The following CNTN6 variants were observed in gnomAD, a reference collection of about 807,000 sequenced individuals.
CNTN6 encodes contactin 6.
CNTN6 carries 137 observed loss-of-function variants against 122.8 expected under a neutral mutation model. That is an observed-to-expected ratio of 1.12 (90% confidence interval 0.97 to 1.29). The LOEUF (loss-of-function observed/expected upper bound fraction) is 1.29, where lower values mean the gene tolerates loss of function less well. CNTN6 is among the 50% of genes most tolerant of loss of function. CNTN6 has a pLI of 0.00. For missense variants in CNTN6, 1,634 were observed against 1,223.4 expected (o/e 1.34, Z -5.01); for synonymous variants, 570 against 426.0 (o/e 1.34, Z -4.16).
intron 20 of CNTN6, among the ~76,000 whole-genome samples, chr3:1,393,224 G>T (rs1694450111): frequency 2.1e-5 from 2 of 97,060 alleles, no homozygotes. Context: ...ATACTATGCA[G>T]CCATAAAAAA....
rs1307240495 is a variant in CNTN6, at chr3:1,401,461, C to G, written c.2733C>G (p.Ala911=). The G allele has an allele frequency of 1.2e-6, 2 of 1,611,980 alleles. No homozygotes were observed. Among genetic ancestry groups the G allele is most frequent in the Admixed American group, 3.3e-5 (2 of 59,786 alleles). ...SPPSQPPANI[A]WKLTNSKLCL... The stretch of plus-strand genomic sequence containing the variant: ...CAAGCCAACCACCAGCAAACATTGC[C>G]TGGAAGCTGACAAACTCTAAATTAT... The change falls in exon 21 of 23, where the codon GCC becomes GCG. Residue 911 remains alanine (A), a synonymous_variant. Transcript: ENST00000446702.
chr3:1,102,165 C>T (rs953355201), intron 1 of CNTN6, among the ~76,000 whole-genome samples: 8 of 152,130 alleles, frequency 5.3e-5, no homozygotes, highest in African/African-American at 1.9e-4. Flanking sequence ...TTTTCAATGC[C>T]TTTTTTGCAT....
chr3:1,187,058 C>T (rs967205798), intron 2 of CNTN6, among the ~76,000 whole-genome samples: 7 of 152,082 alleles, frequency 4.6e-5, no homozygotes, highest in African/African-American at 1.4e-4. Flanking sequence ...TGGCCCAACA[C>T]GAGGATTTTT....
At chr3:1,286,562 G>A (rs1694377125) in intron 5 of CNTN6, among the ~76,000 whole-genome samples, 1 of 152,118 alleles carries the variant, frequency 6.6e-6, no homozygotes, top group Admixed American at 6.5e-5. Flanking sequence ...ATTCCATGGT[G>A]TATATGTGCC....
At chr3:1,102,469 G>T (rs1037627544) in intron 1 of CNTN6, among the ~76,000 whole-genome samples, 2 of 152,136 alleles carry the variant, frequency 1.3e-5, no homozygotes, top group African/African-American at 2.4e-5. Context: ...GGTGGCTCCC[G>T]CCTGTAATCC....
At chr3:1,184,891 A>C (rs1266776944) in intron 2 of CNTN6, among the ~76,000 whole-genome samples, 1 of 152,118 alleles carries the variant, frequency 6.6e-6, no homozygotes, top group African/African-American at 2.4e-5. Context: ...TTAGGGAATC[A>C]TATGAGGATA....
At chr3:1,383,953 G>T (rs78054507) in intron 19 of CNTN6, among the ~76,000 whole-genome samples, 2,980 of 149,340 alleles carry the variant, frequency 0.02, 109 homozygotes, top group African/African-American at 0.069. Flanking sequence ...GTGTCTTATG[G>T]AGAGGTGCTT....
At chr3:1,166,601 T>C (rs1053828336) in intron 2 of CNTN6, among the ~76,000 whole-genome samples, 3 of 152,134 alleles carry the variant, frequency 2.0e-5, no homozygotes, top group Admixed American at 1.3e-4. Flanking sequence ...GCACAGCACT[T>C]ATCTATCAGT....
At chr3:1,279,856 C>T (rs766238201) in intron 5 of CNTN6, among the ~76,000 whole-genome samples, 1 of 152,160 alleles carries the variant, frequency 6.6e-6, no homozygotes, top group Non-Finnish European at 1.5e-5. Context: ...TCAAAGTTAA[C>T]AATATCTTAT....
intron 1 of CNTN6, among the ~76,000 whole-genome samples, chr3:1,135,028 C>T (rs1454309462): frequency 6.6e-6 from 1 of 152,032 alleles, no homozygotes; most frequent in Non-Finnish European, 1.5e-5. Flanking sequence ...CCCCATGCCC[C>T]ATAGCACAAA....
intron 4 of CNTN6, among the ~76,000 whole-genome samples, chr3:1,243,321 C>T (rs1363325262): frequency 6.6e-6 from 1 of 152,158 alleles, no homozygotes; most frequent in Non-Finnish European, 1.5e-5. Flanking sequence ...TGCTGCGGTT[C>T]AGGTGTTTGG....
At chr3:1,283,737 C>T (rs1693868655) in intron 5 of CNTN6, among the ~76,000 whole-genome samples, 1 of 152,166 alleles carries the variant, frequency 6.6e-6, no homozygotes, top group Admixed American at 6.5e-5. Context: ...CAGTGGCTCA[C>T]ACCTGTAATC....
At chr3:1,242,958 C>T (rs918470182) in intron 4 of CNTN6, among the ~76,000 whole-genome samples, 1 of 152,032 alleles carries the variant, frequency 6.6e-6, no homozygotes, top group African/African-American at 2.4e-5. Flanking sequence ...GAGTGGGTAG[C>T]CTCCGTATTG....
chr3:1,157,988 T>A (rs547823072), intron 2 of CNTN6, among the ~76,000 whole-genome samples: 35 of 152,280 alleles, frequency 2.3e-4, no homozygotes, highest in Admixed American at 2.2e-3. Flanking sequence ...ATATATTGAT[T>A]TCCTTTATTT....
At chr3:1,226,285 G>A (rs1211820476) in intron 3 of CNTN6, among the ~76,000 whole-genome samples, 2 of 151,780 alleles carry the variant, frequency 1.3e-5, no homozygotes, top group Non-Finnish European at 2.9e-5. Context: ...AGCAAAGCTG[G>A]CATAAACCCT....
chr3:1,225,536 A>G (rs1321450366), intron 3 of CNTN6, among the ~76,000 whole-genome samples: 1 of 152,222 alleles, frequency 6.6e-6, no homozygotes, highest in Non-Finnish European at 1.5e-5. Context: ...AATTAAAAGG[A>G]GCTGGCAAAC....
chr3:1,373,046 T>C, intron 14 of CNTN6, 91 bp downstream of exon 14: 1 of 738,730 alleles, frequency 1.4e-6, no homozygotes, highest in Non-Finnish European at 2.3e-6. Flanking sequence ...AACCACACCA[T>C]GTTATGGAAG....
intron 7 of CNTN6, among the ~76,000 whole-genome samples, chr3:1,302,686 A>C (rs556477727): frequency 7.9e-5 from 12 of 152,136 alleles, no homozygotes; most frequent in Non-Finnish European, 1.8e-4. Context: ...ATAACTAGGA[A>C]ATATCACCCC....
chr3:1,273,851 T>C (rs1346590956), intron 4 of CNTN6, among the ~76,000 whole-genome samples: 1 of 152,142 alleles, frequency 6.6e-6, no homozygotes, highest in Non-Finnish European at 1.5e-5. Flanking sequence ...ACACAGAATA[T>C]ATTAAAGTAT....
Sources: allele counts gnomAD v4.1 joint callset (sites outside exome capture counted in the v4.1 genomes callset), GRCh38; gene constraint gnomAD v4.1.1; transcripts MANE v1.5; gene names NCBI Gene and HGNC (gene_info 2026-07-23, HGNC 2026-07-21).